NEGR1: variants seen among roughly 807,000 people sequenced by gnomAD.
NEGR1 encodes neuronal growth regulator 1, also known as IgLON family member 4.
NEGR1 carries 10 observed loss-of-function variants against 40.9 expected under a neutral mutation model. The observed-to-expected ratio is 0.24, with a 90% confidence interval of 0.15 to 0.42. NEGR1 has a LOEUF of 0.42. Ranked by LOEUF, NEGR1 falls within the 10% of genes least tolerant of loss-of-function variation. NEGR1 has a pLI of 1.00. For missense variants in NEGR1, 352 were observed against 438.9 expected (o/e 0.80, Z 1.77); for synonymous variants, 185 against 166.8 (o/e 1.11, Z -0.84).
At chr1:71,612,208 C>T (rs1650285857) in intron 4 of NEGR1, among the ~76,000 whole-genome samples, 1 of 152,156 alleles carries the variant, frequency 6.6e-6, no homozygotes, top group South Asian at 2.1e-4. Flanking sequence ...GGCGACACAG[C>T]AAGACTCCGT....
intron 2 of NEGR1, among the ~76,000 whole-genome samples, chr1:71,777,881 T>C (rs187797634): frequency 1.3e-5 from 2 of 152,190 alleles, no homozygotes; most frequent in East Asian, 1.9e-4. Context: ...ATAGTTTAAT[T>C]GGCATTTAAA....
chr1:71,804,762 C>T (rs1167913279), intron 2 of NEGR1, among the ~76,000 whole-genome samples: 1 of 152,102 alleles, frequency 6.6e-6, no homozygotes, highest in Non-Finnish European at 1.5e-5. Flanking sequence ...ATTAACTGCA[C>T]AAATTGTTTG....
chr1:71,688,352 A>AT (rs1653119401), intron 4 of NEGR1, among the ~76,000 whole-genome samples: 2 of 112,576 alleles, frequency 1.8e-5, no homozygotes, highest in Admixed American at 2.0e-4. Flanking sequence ...ATAGATAGAT[A>AT]GATTATATAT....
chr1:71,633,278 T>A lies in NEGR1; in HGVS notation c.668-22132A>T, dbSNP rs953508570. Among the ~76,000 whole-genome samples, 3 of 152,182 alleles carry A rather than the reference T, an allele frequency of 2.0e-5. 1 individual carries two copies. In the East Asian group the frequency reaches 5.8e-4, roughly 30 times the overall value. ...TGCCATCAGTAGATGCCACAGAAAT[T>A]TTTTTGTCATCTCTTCAGTAATTAT... is the stretch of plus-strand genomic sequence containing the variant. On this transcript the variant is annotated intron_variant, in intron 4 of 6. Transcript: ENST00000357731.
At chr1:72,059,636 T>C (rs1433617094) in intron 1 of NEGR1, among the ~76,000 whole-genome samples, 2 of 151,710 alleles carry the variant, frequency 1.3e-5, no homozygotes, top group Non-Finnish European at 3.0e-5. Flanking sequence ...AATAGTTTAA[T>C]GATCATATTT....
chr1:72,087,773 TA>T lies in NEGR1; in HGVS notation c.177-152463del, dbSNP rs1303675743. On this transcript the variant is annotated intron_variant, in intron 1 of 6. Transcript: ENST00000357731. Reference sequence around the variant, plus strand: ...GTGCTTTTTTTTTTTTTTTTTTTTTTAATGTAGAGACAGGCTCTCACTATGT... The same window carrying T: ...GTGCTTTTTTTTTTTTTTTTTTTTTTATGTAGAGACAGGCTCTCACTATGT... Among the ~76,000 whole-genome samples, 1,175 of 146,088 alleles carry T rather than the reference TA, an allele frequency of 8.0e-3. 25 individuals carry two copies. The highest frequency in any genetic ancestry group is 0.029 in the African/African-American group (1,123 of 38,668).
intron 1 of NEGR1, among the ~76,000 whole-genome samples, chr1:72,213,180 T>C (rs1033918542): frequency 2.6e-4 from 40 of 151,980 alleles, no homozygotes; most frequent in African/African-American, 9.2e-4. Context: ...TTAATTTTCA[T>C]ATTGATATAG....
intron 2 of NEGR1, among the ~76,000 whole-genome samples, chr1:71,800,988 C>G (rs1467231594): frequency 6.6e-6 from 1 of 152,164 alleles, no homozygotes; most frequent in African/African-American, 2.4e-5. Context: ...TTTCTAATTA[C>G]ACTTTCACCA....
chr1:71,842,743 A>G (rs1208702912), intron 2 of NEGR1, among the ~76,000 whole-genome samples: 1 of 152,200 alleles, frequency 6.6e-6, no homozygotes, highest in African/African-American at 2.4e-5. Flanking sequence ...AATTCGAGGA[A>G]GTAAAACATT....
At chr1:72,248,630 C>T (rs903875434) in intron 1 of NEGR1, among the ~76,000 whole-genome samples, 10 of 136,118 alleles carry the variant, frequency 7.3e-5, no homozygotes, top group South Asian at 4.6e-4. Context: ...GACAGAGTCT[C>T]GCTCTGTTGC....
intron 6 of NEGR1, among the ~76,000 whole-genome samples, chr1:71,590,138 T>C (rs1400769334): frequency 2.0e-5 from 3 of 152,134 alleles, no homozygotes; most frequent in African/African-American, 7.2e-5. Context: ...ATCTCCTTTA[T>C]ATTTTTCCCT....
At chr1:71,963,321 T>C (rs1937188) in intron 1 of NEGR1, among the ~76,000 whole-genome samples, 18,314 of 152,166 alleles carry the variant, frequency 0.12, 1,183 homozygotes, top group Middle Eastern at 0.21. Flanking sequence ...AGGAGCCTAC[T>C]ACCTCTAAGT....
chr1:71,585,688 CTTTT>C (rs563536438), intron 6 of NEGR1, among the ~76,000 whole-genome samples: 8 of 112,584 alleles, frequency 7.1e-5, no homozygotes, highest in African/African-American at 2.3e-4. Flanking sequence ...ACCTCTCCAT[CTTTT>C]TTTTTTTTTT....
At chr1:71,435,110 C>CAA (rs756919652) in intron 6 of NEGR1, among the ~76,000 whole-genome samples, 86 of 150,212 alleles carry the variant, frequency 5.7e-4, no homozygotes, top group African/African-American at 1.9e-3. Context: ...AACAAACAAA[C>CAA]AAAAAAAAAA....
At chr1:71,960,115 A>AT (rs1252858753) in intron 1 of NEGR1, among the ~76,000 whole-genome samples, 1 of 152,172 alleles carries the variant, frequency 6.6e-6, no homozygotes, top group East Asian at 1.9e-4. Context: ...TGTCATTGGC[A>AT]TTCACATATG....
At chr1:71,856,673 C>T (rs1226862500) in intron 2 of NEGR1, among the ~76,000 whole-genome samples, 1 of 151,976 alleles carries the variant, frequency 6.6e-6, no homozygotes, top group East Asian at 1.9e-4. Flanking sequence ...TCCATTTATT[C>T]TTTTGTCCAT....
chr1:72,007,775 GC>G (rs1646620827), intron 1 of NEGR1, among the ~76,000 whole-genome samples: 1 of 152,010 alleles, frequency 6.6e-6, no homozygotes, highest in Non-Finnish European at 1.5e-5. Context: ...AAAGATATAG[GC>G]CATTTTCTGT....
At chr1:71,781,509 A>G (rs1160401138) in intron 2 of NEGR1, among the ~76,000 whole-genome samples, 2 of 152,304 alleles carry the variant, frequency 1.3e-5, no homozygotes, top group African/African-American at 2.4e-5. Context: ...TCCGTGAAAG[A>G]CCACAGTGCA....
chr1:71,587,645 TACACACACACACACACATGCACAC>T (rs1402895257), intron 6 of NEGR1, among the ~76,000 whole-genome samples: 4 of 86,330 alleles, frequency 4.6e-5, no homozygotes, highest in Non-Finnish European at 9.4e-5. Flanking sequence ...CATACACGAG[TACACACACACACACACATGCACAC>T]ACACACACAC....
Sources: gnomAD v4.1 joint callset for allele counts (sites outside exome capture counted in the v4.1 genomes callset) on GRCh38, gnomAD v4.1.1 for gene constraint, MANE v1.5 for transcripts, NCBI Gene and HGNC (gene_info 2026-07-23, HGNC 2026-07-21) for gene names.